CLEC16A: variants seen among roughly 807,000 people sequenced by gnomAD.
The protein encoded by CLEC16A is C-type lectin domain containing 16A.
In CLEC16A, 51 loss-of-function variants were observed where a neutral mutation model predicts 109.5. The observed-to-expected ratio is 0.47, with a 90% confidence interval of 0.37 to 0.59. The LOEUF (loss-of-function observed/expected upper bound fraction) is 0.59. Ranked by LOEUF, CLEC16A falls within the 20% of genes least tolerant of loss-of-function variation. The pLI, the probability that CLEC16A is intolerant of heterozygous loss-of-function variation, is 0.00. For synonymous variants in CLEC16A, 673 were observed against 564.2 expected, an observed-to-expected ratio of 1.19 and a Z score of -2.73; for missense variants, 1,339 against 1,394.0, an observed-to-expected ratio of 0.96 and a Z score of 0.63.
At chr16:11,027,777 A>C in intron 13 of CLEC16A, 2 of 1,127,724 alleles carry the variant, frequency 1.8e-6, no homozygotes, top group Non-Finnish European at 2.6e-6. Flanking sequence ...CCAGGTGCCA[A>C]ACTGCAGTAT....
intron 19 of CLEC16A, 84 bp from the exon 20 acceptor site, chr16:11,120,530 GA>G (rs2052326514): frequency 7.1e-7 from 1 of 1,417,886 alleles, no homozygotes; most frequent in Non-Finnish European, 9.5e-7. Context: ...CTCTGCTCCT[GA>G]TAGAATGAGA....
intron 22 of CLEC16A, among the ~76,000 whole-genome samples, chr16:11,127,919 C>T (rs2052943120): frequency 6.6e-6 from 1 of 152,122 alleles, no homozygotes; most frequent in African/African-American, 2.4e-5. Flanking sequence ...ATTGTGGCAC[C>T]GCCTGTTTTC....
intron 10 of CLEC16A, among the ~76,000 whole-genome samples, chr16:10,994,599 G>C (rs555222647): frequency 6.6e-6 from 1 of 152,310 alleles, no homozygotes; most frequent in East Asian, 1.9e-4. Flanking sequence ...AGCTACATGG[G>C]AGGCTGAGGC....
At chr16:10,946,850 G>A (rs1166136959) in intron 1 of CLEC16A, among the ~76,000 whole-genome samples, 1 of 152,218 alleles carries the variant, frequency 6.6e-6, no homozygotes, top group Admixed American at 6.5e-5. Context: ...GGTTCAGGGG[G>A]CTTCAGTGAC....
intron 23 of CLEC16A, among the ~76,000 whole-genome samples, chr16:11,169,849 G>A (rs544961950): frequency 1.4e-4 from 22 of 152,162 alleles, no homozygotes; most frequent in Non-Finnish European, 2.2e-4. Flanking sequence ...GCTGTGTGGC[G>A]TCCCAGTAGA....
intron 19 of CLEC16A, among the ~76,000 whole-genome samples, chr16:11,069,153 G>T (rs1243840545): frequency 1.3e-5 from 2 of 151,912 alleles, no homozygotes; most frequent in African/African-American, 2.4e-5. Flanking sequence ...TTTGAGACAG[G>T]GTTTCACTCT....
At chr16:11,160,335 G>A (rs958019126) in intron 22 of CLEC16A, among the ~76,000 whole-genome samples, 1 of 152,090 alleles carries the variant, frequency 6.6e-6, no homozygotes, top group African/African-American at 2.4e-5. Flanking sequence ...CTCGGGCCTC[G>A]CTCTTTCTGG....
At chr16:11,050,271 G>C (rs977477069) in intron 17 of CLEC16A, among the ~76,000 whole-genome samples, 7 of 152,286 alleles carry the variant, frequency 4.6e-5, no homozygotes, top group African/African-American at 1.7e-4. Flanking sequence ...CGTCTTGTTA[G>C]GCCCTACCTC....
chr16:11,024,867 G>A lies in CLEC16A; in HGVS notation c.1483G>A (p.Asp495Asn), dbSNP rs1452593513. 1.2e-6 allele frequency: 2 copies of A among 1,610,072 alleles called. No individual in the cohort carries two copies. Among genetic ancestry groups the A allele is most frequent in the South Asian group, 1.1e-5 (1 of 89,872 alleles). ...VYHALDSPDD[D>N]YHALFVLCLL... is the part of the protein sequence containing the mutation. Reference sequence around the variant, plus strand: ...CCACGCGCTGGACAGCCCGGATGATGATTACCATGCCCTGTTCGTGCTCTG... The same window carrying A: ...CCACGCGCTGGACAGCCCGGATGATAATTACCATGCCCTGTTCGTGCTCTG... Residue 495 changes from aspartate to asparagine, a missense_variant, in exon 13 of 24, where the codon GAT (aspartate) becomes AAT (asparagine). Asp to Asn is a conservative substitution (Grantham distance 23, BLOSUM62 1). Transcript: ENST00000409790.
chr16:10,977,505 GT>G (rs369227509), intron 8 of CLEC16A, 106 bp downstream of exon 8: 1,456 of 910,562 alleles, frequency 1.6e-3, no homozygotes, highest in South Asian at 2.5e-3. Context: ...CAGGACTGAG[GT>G]TTTTTTTTTG....
intron 22 of CLEC16A, among the ~76,000 whole-genome samples, chr16:11,137,481 C>T (rs776058854): frequency 1.1e-4 from 16 of 150,190 alleles, no homozygotes; most frequent in Admixed American, 3.3e-4. Flanking sequence ...GCCAGCTGGG[C>T]GTGGTGGCTC....
intron 18 of CLEC16A, 108 bp from the exon 19 acceptor site, chr16:11,060,794 T>G: frequency 8.4e-7 from 1 of 1,195,716 alleles, no homozygotes. Flanking sequence ...TTTATTGCGT[T>G]TCTTTCTTTT....
chr16:11,001,152 T>TG (rs2044646388), intron 10 of CLEC16A, among the ~76,000 whole-genome samples: 2 of 152,216 alleles, frequency 1.3e-5, no homozygotes, highest in South Asian at 4.1e-4. Context: ...TAGAGTGCAG[T>TG]GGCGCCATGT....
chr16:10,988,752 T>G (rs867368698), intron 10 of CLEC16A, among the ~76,000 whole-genome samples: 1 of 152,078 alleles, frequency 6.6e-6, no homozygotes, highest in Non-Finnish European at 1.5e-5. Flanking sequence ...TTTTACTAGG[T>G]GTTCCCGGGC....
At chr16:11,167,064 A>G (rs982778707) in intron 23 of CLEC16A, among the ~76,000 whole-genome samples, 2 of 152,104 alleles carry the variant, frequency 1.3e-5, no homozygotes, top group African/African-American at 4.8e-5. Flanking sequence ...CCTTCAACTT[A>G]TTCCACTTCA....
At chr16:11,000,512 T>C (rs937201869) in intron 10 of CLEC16A, among the ~76,000 whole-genome samples, 1 of 152,148 alleles carries the variant, frequency 6.6e-6, no homozygotes, top group African/African-American at 2.4e-5. Flanking sequence ...GCTAACTTCC[T>C]GGGTTTGGAT....
chr16:11,159,653 A>G (rs557591041), intron 22 of CLEC16A, among the ~76,000 whole-genome samples: 3 of 152,366 alleles, frequency 2.0e-5, no homozygotes, highest in South Asian at 2.1e-4. Flanking sequence ...TTTCAAAGAC[A>G]TGCCCCAGGA....
intron 22 of CLEC16A, among the ~76,000 whole-genome samples, chr16:11,144,185 G>A (rs1173029805): frequency 6.6e-6 from 1 of 152,160 alleles, no homozygotes; most frequent in Non-Finnish European, 1.5e-5. Flanking sequence ...CTGAAACTTG[G>A]TAGGGAACTG....
intron 20 of CLEC16A, among the ~76,000 whole-genome samples, chr16:11,122,654 G>T (rs1041128417): frequency 2.0e-5 from 3 of 152,132 alleles, no homozygotes; most frequent in Non-Finnish European, 4.4e-5. Flanking sequence ...ATCTTCCTCT[G>T]TGAGCCTTTT....
Sources: gnomAD v4.1 joint callset for allele counts (sites outside exome capture counted in the v4.1 genomes callset) on GRCh38, gnomAD v4.1.1 for gene constraint, MANE v1.5 for transcripts, NCBI Gene and HGNC (gene_info 2026-07-23, HGNC 2026-07-21) for gene names.